The following PLA2G4A variants were observed in gnomAD, a reference collection of about 807,000 sequenced individuals.
The protein encoded by PLA2G4A is cytosolic phospholipase A2.
Under a neutral mutation model 81.9 loss-of-function variants are expected in PLA2G4A, and 40 were observed. The observed-to-expected ratio is 0.49, with a 90% CI of 0.38 to 0.64. The LOEUF is 0.64. Among genes scored for constraint, PLA2G4A ranks in the 30% least tolerant of loss-of-function variants. The probability of loss-of-function intolerance (pLI) is 0.00; values close to 1 mark genes in which losing one functional copy is unlikely to be tolerated. For missense variants in PLA2G4A, 715 were observed against 905.1 expected, an observed-to-expected ratio of 0.79 and a Z score of 2.69; for synonymous variants, 302 against 296.9, an observed-to-expected ratio of 1.02 and a Z score of -0.18.
intron 1 of PLA2G4A, among the ~76,000 whole-genome samples, chr1:186,852,645 T>G (rs949528787): frequency 5.9e-5 from 9 of 151,942 alleles, no homozygotes; most frequent in Admixed American, 3.9e-4. Context: ...GAGAGCCCAT[T>G]CCATGAGCCC....
At position 186,857,411 on chromosome 1, in the gene PLA2G4A, T is replaced by C. The variant is rs903160054; in HGVS notation, c.33+3024T>C. On this transcript the variant is annotated intron_variant, in intron 2 of 17. Transcript: ENST00000367466. ...GTAATATAATATATAATATATATTATATAATGTATAATATATACTATATAA... is the reference window on the plus strand; with the variant it reads ...GTAATATAATATATAATATATATTACATAATGTATAATATATACTATATAA... Among the ~76,000 whole-genome samples, 555 of 129,480 alleles carry C rather than the reference T, an allele frequency of 4.3e-3. 4 individuals are homozygous for C. Among genetic ancestry groups the C allele is most frequent in the African/African-American group, 0.014 (494 of 34,192 alleles). The allele number at this position is 129,480 out of a possible 152,430, so 84.9% of individuals were successfully genotyped here.
At chr1:186,864,927 T>TACAAAA (rs1169243559) in intron 2 of PLA2G4A, among the ~76,000 whole-genome samples, 1 of 151,070 alleles carries the variant, frequency 6.6e-6, no homozygotes, top group Admixed American at 6.6e-5. Context: ...ATCCCATCTC[T>TACAAAA]ACAAAAACAA....
chr1:186,930,794 C>T (rs1347474720), intron 7 of PLA2G4A, among the ~76,000 whole-genome samples: 1 of 152,096 alleles, frequency 6.6e-6, no homozygotes, highest in Non-Finnish European at 1.5e-5. Flanking sequence ...TTCCCAACTC[C>T]CTAATATACA....
chr1:186,903,194 A>T (rs796396520), intron 5 of PLA2G4A, among the ~76,000 whole-genome samples: 1 of 152,306 alleles, frequency 6.6e-6, no homozygotes, highest in African/African-American at 2.4e-5. Context: ...GAAAGATGTG[A>T]ATAATGATTG....
chr1:186,848,722 T>TAC (rs10651334), intron 1 of PLA2G4A, among the ~76,000 whole-genome samples: 9,075 of 148,866 alleles, frequency 0.061, 313 homozygotes, highest in African/African-American at 0.097. Flanking sequence ...CTAGTGATTT[T>TAC]ACACACACAC....
chr1:186,852,316 G>A (rs1652404155), intron 1 of PLA2G4A, among the ~76,000 whole-genome samples: 1 of 151,998 alleles, frequency 6.6e-6, no homozygotes, highest in Admixed American at 6.6e-5. Flanking sequence ...AGTCAGGGAA[G>A]ACTCCACTGG....
At chr1:186,984,972 C>T (rs952967068) in intron 17 of PLA2G4A, among the ~76,000 whole-genome samples, 7 of 152,236 alleles carry the variant, frequency 4.6e-5, no homozygotes, top group African/African-American at 1.7e-4. Flanking sequence ...CTGGAAGTCA[C>T]GATGATGTGG....
At position 186,870,516 on chromosome 1, in the gene PLA2G4A, C is replaced by G; in HGVS notation, c.115C>G (p.Leu39Val). Reference protein sequence around the residue: ...KVTKGAFGDMLDTPDPYVELF... With the variant: ...KVTKGAFGDMVDTPDPYVELF... ...GACAAAGGGGGCCTTTGGTGACATG[C>G]GTAAGTGCCCTTTTTTTCTTTGCTG... The change falls in exon 3 of 18, where the codon CTT (leucine) becomes GTT (valine). Residue 39 changes from leucine (L) to valine (V), a missense_variant and splice_region_variant. Leu to Val is a conservative substitution (Grantham distance 32). Coordinates refer to ENST00000367466, the MANE Select transcript of PLA2G4A (RefSeq NM_024420.3). The G allele has an allele frequency of 6.3e-7, 1 of 1,596,992 alleles. No homozygotes were observed. The highest frequency in any genetic ancestry group is 8.6e-7 in the Non-Finnish European group (1 of 1,164,770).
intron 2 of PLA2G4A, among the ~76,000 whole-genome samples, chr1:186,867,946 G>A (rs1653091962): frequency 6.6e-6 from 1 of 151,554 alleles, no homozygotes; most frequent in South Asian, 2.1e-4. Flanking sequence ...TTATTCATCT[G>A]TTGATATGAT....
intron 3 of PLA2G4A, among the ~76,000 whole-genome samples, chr1:186,871,752 G>T (rs948336793): frequency 1.3e-5 from 2 of 152,098 alleles, no homozygotes; most frequent in Admixed American, 6.6e-5. Context: ...GCAATGGAAA[G>T]AATTTGATGG....
intron 1 of PLA2G4A, among the ~76,000 whole-genome samples, chr1:186,839,073 A>G (rs1254328089): frequency 6.6e-6 from 1 of 150,928 alleles, no homozygotes; most frequent in African/African-American, 2.4e-5. Context: ...TTAAAAAAAC[A>G]TTTTAAAATT....
chr1:186,941,626 T>C (rs1223539848), intron 10 of PLA2G4A, among the ~76,000 whole-genome samples: 1 of 152,194 alleles, frequency 6.6e-6, no homozygotes, highest in Non-Finnish European at 1.5e-5. Context: ...CAAAAATCCT[T>C]TGTTCTTTTT....
intron 5 of PLA2G4A, among the ~76,000 whole-genome samples, chr1:186,904,608 A>G (rs1654669428): frequency 6.6e-6 from 1 of 152,214 alleles, no homozygotes; most frequent in Admixed American, 6.5e-5. Flanking sequence ...CCGTGTGACA[A>G]GAACCTTGGC....
chr1:186,948,166 TGTTA>T (rs1482140990), intron 12 of PLA2G4A, among the ~76,000 whole-genome samples: 9 of 152,200 alleles, frequency 5.9e-5, no homozygotes, highest in Admixed American at 5.2e-4. Context: ...TTTGTATTTT[TGTTA>T]GTTCTTAATG....
intron 7 of PLA2G4A, among the ~76,000 whole-genome samples, chr1:186,923,212 C>A (rs1001597226): frequency 6.6e-6 from 1 of 152,140 alleles, no homozygotes; most frequent in Admixed American, 6.5e-5. Flanking sequence ...CTTGTTAGAA[C>A]TTGTGGTTGT....
intron 17 of PLA2G4A, among the ~76,000 whole-genome samples, chr1:186,984,190 G>A (rs941630699): frequency 6.6e-6 from 1 of 152,090 alleles, no homozygotes; most frequent in African/African-American, 2.4e-5. Flanking sequence ...CAGGATACAA[G>A]GTGCTCTTGG....
chr1:186,921,673 A>G (rs2102179901), intron 7 of PLA2G4A, among the ~76,000 whole-genome samples: 1 of 151,898 alleles, frequency 6.6e-6, no homozygotes, highest in East Asian at 1.9e-4. Context: ...AGGAGTGGGG[A>G]GCCCTTCCTT....
intron 7 of PLA2G4A, among the ~76,000 whole-genome samples, chr1:186,931,540 A>G (rs1037553528): frequency 2.7e-5 from 4 of 149,594 alleles, no homozygotes; most frequent in Admixed American, 1.3e-4. Context: ...TATTATTATT[A>G]TTATTATTAT....
intron 15 of PLA2G4A, 112 bp from the exon 16 acceptor site, chr1:186,977,481 G>A (rs1657573050): frequency 2.8e-6 from 2 of 715,562 alleles, no homozygotes; most frequent in Non-Finnish European, 5.1e-6. Context: ...TCCTAGCAAG[G>A]AGTACATTGC....
Sources: allele counts gnomAD v4.1 joint callset (sites outside exome capture counted in the v4.1 genomes callset), GRCh38; gene constraint gnomAD v4.1.1; transcripts MANE v1.5; gene names NCBI Gene and HGNC (gene_info 2026-07-23, HGNC 2026-07-21).